SRGAP3: variants seen among roughly 807,000 people sequenced by gnomAD.
SRGAP3 encodes SLIT-ROBO Rho GTPase-activating protein 3.
A neutral mutation model predicts 121.1 loss-of-function variants in SRGAP3; 39 were observed. That is an observed-to-expected ratio of 0.32 (90% confidence interval 0.25 to 0.42). The LOEUF (loss-of-function observed/expected upper bound fraction) is 0.42. Among genes scored for constraint, SRGAP3 ranks in the 10% least tolerant of loss-of-function variants. The pLI is 1.00. For missense variants in SRGAP3, 1,213 were observed against 1,470.6 expected (o/e 0.82, Z 2.86); for synonymous variants, 601 against 570.0 (o/e 1.05, Z -0.77).
chr3:9,290,868 T>G (rs913998616), intron 3 of SRGAP3, among the ~76,000 whole-genome samples: 3 of 152,176 alleles, frequency 2.0e-5, no homozygotes, highest in African/African-American at 7.2e-5. Flanking sequence ...TAAAATAGAA[T>G]GAAAACTCTC....
chr3:9,063,239 C>T (rs1946261814), intron 5 of SRGAP3, among the ~76,000 whole-genome samples: 1 of 149,158 alleles, frequency 6.7e-6, no homozygotes, highest in African/African-American at 2.5e-5. Context: ...GGTAATCCTC[C>T]TACCTCAGCC....
chr3:9,086,548 C>T (rs996687696), intron 3 of SRGAP3, among the ~76,000 whole-genome samples: 5 of 145,318 alleles, frequency 3.4e-5, no homozygotes, highest in African/African-American at 5.1e-5. Context: ...ACCATATATA[C>T]GTATGTGTGT....
At chr3:9,222,314 G>A (rs1165042838) in intron 1 of SRGAP3, among the ~76,000 whole-genome samples, 2 of 152,218 alleles carry the variant, frequency 1.3e-5, no homozygotes, top group Non-Finnish European at 2.9e-5. Context: ...GCAGTGAGAA[G>A]ACAAAATGAG....
chr3:9,277,009 G>A (rs1470646856), intron 3 of SRGAP3, among the ~76,000 whole-genome samples: 3 of 152,170 alleles, frequency 2.0e-5, no homozygotes, highest in Non-Finnish European at 4.4e-5. Flanking sequence ...CAAGAAATGT[G>A]GCCTTGGGCA....
At chr3:9,096,906 A>G (rs1947989236) in intron 3 of SRGAP3, among the ~76,000 whole-genome samples, 1 of 138,738 alleles carries the variant, frequency 7.2e-6, no homozygotes, top group African/African-American at 2.6e-5. Flanking sequence ...ATTATATATA[A>G]TAGCTAATTA....
chr3:9,151,864 A>G (rs1457990464), intron 1 of SRGAP3, among the ~76,000 whole-genome samples: 1 of 152,226 alleles, frequency 6.6e-6, no homozygotes, highest in Non-Finnish European at 1.5e-5. Flanking sequence ...AGAGATAAGC[A>G]GAAGCAGGCA....
chr3:9,100,836 T>C (rs568917585), intron 3 of SRGAP3, among the ~76,000 whole-genome samples: 1 of 152,262 alleles, frequency 6.6e-6, no homozygotes, highest in East Asian at 1.9e-4. Flanking sequence ...TGGTTCTGAA[T>C]AGTAACTTCT....
Position 9,125,815 on chromosome 3 carries a change from C to T in SRGAP3, c.68-898G>A, listed in dbSNP as rs532579617. Among the ~76,000 whole-genome samples, 5 of 152,324 alleles carry T rather than the reference C, an allele frequency of 3.3e-5. No homozygotes were observed. In the East Asian group the frequency reaches 7.7e-4, roughly 24 times the overall value. Reference sequence around the variant, plus strand: ...CAAAGCACTCTGCTCACACCAGCAACGTGCTCAGAAATACCCCACGGCTCC... The same window carrying T: ...CAAAGCACTCTGCTCACACCAGCAATGTGCTCAGAAATACCCCACGGCTCC... On this transcript the variant is annotated intron_variant, in intron 1 of 21. Transcript: ENST00000383836.
intron 3 of SRGAP3, among the ~76,000 whole-genome samples, chr3:9,285,677 TCC>T (rs1311808488): frequency 1.3e-5 from 2 of 151,182 alleles, no homozygotes; most frequent in Non-Finnish European, 2.9e-5. Context: ...GTGCCTGTAG[TCC>T]CAACTACTCA....
intron 1 of SRGAP3, among the ~76,000 whole-genome samples, chr3:9,187,194 T>C (rs568413769): frequency 3.5e-4 from 52 of 150,674 alleles, no homozygotes; most frequent in Non-Finnish European, 7.2e-4. Context: ...CTCCCTCTTA[T>C]GAGTGAGAAC....
At chr3:9,349,174 G>C in intron 1 of SRGAP3, 1 of 730,832 alleles carries the variant, frequency 1.4e-6, no homozygotes, top group Non-Finnish European at 2.5e-6. Context: ...TGGCTGCCCA[G>C]GGTAAGGCCA....
chr3:9,346,026 C>A (rs894714604), intron 1 of SRGAP3, among the ~76,000 whole-genome samples: 3 of 152,080 alleles, frequency 2.0e-5, no homozygotes, highest in African/African-American at 7.2e-5. Flanking sequence ...TAATAGCTTC[C>A]TTTGTTCATT....
chr3:9,107,214 T>C (rs1312833385), intron 2 of SRGAP3, among the ~76,000 whole-genome samples: 1 of 152,202 alleles, frequency 6.6e-6, no homozygotes, highest in Non-Finnish European at 1.5e-5. Flanking sequence ...TCCCTCAGCA[T>C]CTACTGTGTC....
chr3:8,983,256 A>T lies in SRGAP3; in HGVS notation c.*2263T>A, dbSNP rs956124060. The T allele has an allele frequency of 2.6e-5, 6 of 227,290 alleles. No individual in the cohort carries two copies. 14.1% of individuals were successfully genotyped at this position (227,290 alleles called of 1,614,324 possible). A position where few individuals can be genotyped will look rare whatever the true frequency, so the allele number is the denominator to read the frequency against. The stretch of plus-strand genomic sequence containing the variant: ...AGGCCTTACTCTCTTAAGCTGTAAA[A>T]TGGCAATATCTTTCTGTGCTCCAAG... On this transcript the variant is annotated 3_prime_UTR_variant, in exon 22 of 22. Transcript: ENST00000383836.
intron 2 of SRGAP3, among the ~76,000 whole-genome samples, chr3:9,118,722 G>A (rs867287611): frequency 7.3e-5 from 11 of 151,722 alleles, no homozygotes; most frequent in South Asian, 6.2e-4. Context: ...GATCCAGCAG[G>A]TCTCAGGAAA....
At chr3:9,187,624 G>A (rs1459654502) in intron 1 of SRGAP3, among the ~76,000 whole-genome samples, 2 of 152,100 alleles carry the variant, frequency 1.3e-5, no homozygotes, top group Non-Finnish European at 2.9e-5. Flanking sequence ...AGCCCCCTTG[G>A]CTTATATAAA....
chr3:9,316,135 G>A (rs1187135316), intron 3 of SRGAP3, among the ~76,000 whole-genome samples: 2 of 151,864 alleles, frequency 1.3e-5, no homozygotes, highest in Non-Finnish European at 1.5e-5. Flanking sequence ...TGCAACCTCC[G>A]CCTCTTGGAT....
In SRGAP3 at chr3:9,090,406, CA is replaced by C. The variant is rs397972482; in HGVS notation, c.424-10320del. Reference sequence around the variant, plus strand: ...CACCCATAACCCTTATTTCTTTGCACAAAAAAAAAAAATCAAGTGAACATTA... The same window carrying C: ...CACCCATAACCCTTATTTCTTTGCACAAAAAAAAAAATCAAGTGAACATTA... On this transcript the variant is annotated intron_variant, in intron 3 of 21. Coordinates refer to ENST00000383836, the MANE Select transcript of SRGAP3 (RefSeq NM_014850.4). Among the ~76,000 whole-genome samples, 141 of 143,954 alleles carry C rather than the reference CA, an allele frequency of 9.8e-4. 1 individual carries two copies. The highest frequency in any genetic ancestry group is 3.6e-3 in the Admixed American group (52 of 14,338). 94.4% of individuals were successfully genotyped at this position (143,954 alleles called of 152,430 possible).
At chr3:9,012,259 T>C (rs1247635993) in intron 17 of SRGAP3, among the ~76,000 whole-genome samples, 3 of 152,200 alleles carry the variant, frequency 2.0e-5, no homozygotes, top group Non-Finnish European at 2.9e-5. Context: ...CCAGGAATGC[T>C]TTGACAATCA....
Sources: gnomAD v4.1 joint callset for allele counts (sites outside exome capture counted in the v4.1 genomes callset) on GRCh38, gnomAD v4.1.1 for gene constraint, MANE v1.5 for transcripts, NCBI Gene and HGNC (gene_info 2026-07-23, HGNC 2026-07-21) for gene names.